The following SHTN1 variants were observed in gnomAD, a reference collection of about 807,000 sequenced individuals.
The protein encoded by SHTN1 is shootin 1.
Under a neutral mutation model 83.1 loss-of-function variants are expected in SHTN1, and 42 were observed. The ratio of observed to expected loss-of-function variants is 0.51; its 90% CI spans 0.39 to 0.65. The LOEUF is 0.65. Among genes scored for constraint, SHTN1 ranks in the 30% least tolerant of loss-of-function variants. The probability of loss-of-function intolerance (pLI) is 0.00; values close to 1 mark genes in which losing one functional copy is unlikely to be tolerated. For missense variants in SHTN1, 622 were observed against 737.8 expected (o/e 0.84, Z 1.82); for synonymous variants, 224 against 247.7 (o/e 0.90, Z 0.90).
chr10:117,085,543 G>T (rs943793964), intron 1 of SHTN1, among the ~76,000 whole-genome samples: 6 of 152,166 alleles, frequency 3.9e-5, no homozygotes, highest in Non-Finnish European at 7.3e-5. Flanking sequence ...AGCTCAGAAT[G>T]TGGTCTACCT....
intron 1 of SHTN1, among the ~76,000 whole-genome samples, chr10:116,996,560 A>G (rs916968904): frequency 6.6e-6 from 1 of 152,242 alleles, no homozygotes; most frequent in Non-Finnish European, 1.5e-5. Context: ...CCTAAGATTT[A>G]TAAATCCTCT....
intron 1 of SHTN1, among the ~76,000 whole-genome samples, chr10:116,986,918 G>A (rs4752020): frequency 0.9 from 136,181 of 151,616 alleles, 62,860 homozygotes; most frequent in Non-Finnish European, 1. Flanking sequence ...TAGTAGAGAC[G>A]GGGTTTCACC....
intron 1 of SHTN1, among the ~76,000 whole-genome samples, chr10:117,093,986 A>G (rs1853470711): frequency 6.6e-6 from 1 of 152,164 alleles, no homozygotes; most frequent in Non-Finnish European, 1.5e-5. Flanking sequence ...CCAATATATT[A>G]TTTTTGAGAA....
At chr10:116,928,554 TAA>T (rs1159607465) in intron 10 of SHTN1, among the ~76,000 whole-genome samples, 1 of 152,150 alleles carries the variant, frequency 6.6e-6, no homozygotes, top group African/African-American at 2.4e-5. Context: ...GAACTGAACT[TAA>T]GTTGATATCA....
At chr10:117,082,264 T>G (rs1238262466) in intron 1 of SHTN1, among the ~76,000 whole-genome samples, 1 of 114,134 alleles carries the variant, frequency 8.8e-6, no homozygotes, top group Non-Finnish European at 1.8e-5. Flanking sequence ...TCAAAGAACA[T>G]CTTTATTTCT....
intron 1 of SHTN1, among the ~76,000 whole-genome samples, chr10:117,113,940 G>A (rs1369611858): frequency 2.0e-5 from 3 of 152,176 alleles, no homozygotes; most frequent in Non-Finnish European, 4.4e-5. Flanking sequence ...CCAGCTGCTC[G>A]GGAGGCTGAG....
At chr10:117,070,386 T>C (rs1011664607) in intron 1 of SHTN1, among the ~76,000 whole-genome samples, 11 of 152,084 alleles carry the variant, frequency 7.2e-5, no homozygotes, top group African/African-American at 2.7e-4. Context: ...CTATTGACTC[T>C]TGGGGGCTCC....
intron 1 of SHTN1, among the ~76,000 whole-genome samples, chr10:117,092,573 T>C (rs748468794): frequency 5.1e-4 from 78 of 152,222 alleles, no homozygotes; most frequent in Non-Finnish European, 7.3e-4. Flanking sequence ...AGGCATTCTC[T>C]AGACCCATCT....
chr10:116,956,698 C>A (rs1849989776), intron 4 of SHTN1, among the ~76,000 whole-genome samples: 1 of 152,052 alleles, frequency 6.6e-6, no homozygotes, highest in Non-Finnish European at 1.5e-5. Context: ...AATACCTTAG[C>A]AACATCATAG....
chr10:117,093,448 GGT>G (rs1394142081), intron 1 of SHTN1, among the ~76,000 whole-genome samples: 1 of 152,142 alleles, frequency 6.6e-6, no homozygotes, highest in Non-Finnish European at 1.5e-5. Flanking sequence ...GGGAGGCCGA[GGT>G]GGGAGGATAA....
In SHTN1 at chr10:116,882,803, A is replaced by G. The variant is rs1193407758; in HGVS notation, c.*3541T>C. 6.6e-6 allele frequency: 1 copy of G among 152,194 alleles called. No individual in the cohort carries two copies. The highest frequency in any genetic ancestry group is 2.4e-5 in the African/African-American group (1 of 41,442). 9.4% of individuals were successfully genotyped at this position (152,194 alleles called of 1,614,324 possible). A position where few individuals can be genotyped will look rare whatever the true frequency, so the allele number is the denominator to read the frequency against. ...CGCAGACTCTCTCAGAGCATGCAGGAGACTTGGTTGGTATCACTCTAAGTT... is the reference window on the plus strand; with the variant it reads ...CGCAGACTCTCTCAGAGCATGCAGGGGACTTGGTTGGTATCACTCTAAGTT... On this transcript the variant is annotated 3_prime_UTR_variant, in exon 17 of 17. Coordinates refer to ENST00000355371, the MANE Select transcript of SHTN1 (RefSeq NM_001127211.3).
At chr10:116,926,678 A>T (rs1181483721) in intron 11 of SHTN1, among the ~76,000 whole-genome samples, 1 of 152,138 alleles carries the variant, frequency 6.6e-6, no homozygotes, top group African/African-American at 2.4e-5. Context: ...TCTGTGTGAA[A>T]GGATTAAACA....
At position 116,881,629 on chromosome 10, in the gene SHTN1, G is replaced by A; in HGVS notation, c.*4715C>T. On this transcript the variant is annotated 3_prime_UTR_variant, in exon 17 of 17. Coordinates refer to ENST00000355371, the MANE Select transcript of SHTN1 (RefSeq NM_001127211.3). ...CTGGTGCCCACCTTCCCCACACAAG[G>A]TGTAGAGGAATCAGCCGAAACAGGA... The A allele has an allele frequency of 2.6e-6, 4 of 1,549,686 alleles. No individual in the cohort carries two copies. The highest frequency in any genetic ancestry group is 3.5e-6 in the Non-Finnish European group (4 of 1,146,554).
rs751852119 is a variant in SHTN1, at chr10:117,104,143, T to TA, written c.-189+22163dup. On this transcript the variant is annotated intron_variant, in intron 1 of 17. Coordinates refer to the SHTN1 transcript ENST00000392901. ...CACCATTTTTAGCATGATTTTTTTT[T>TA]ACCTCATTTTTTTTTAAGCATTTTC... Among the ~76,000 whole-genome samples the TA allele has an allele frequency of 1.4e-4, 21 of 152,190 alleles. No homozygotes were observed. In the East Asian group the frequency reaches 2.1e-3, roughly 15 times the overall value.
intron 1 of SHTN1, among the ~76,000 whole-genome samples, chr10:117,075,070 T>C (rs181082668): frequency 6.6e-6 from 1 of 152,320 alleles, no homozygotes; most frequent in East Asian, 1.9e-4. Context: ...TTACACATTA[T>C]AAATTATTAA....
At chr10:117,123,262 A>G (rs1341492008) in intron 1 of SHTN1, among the ~76,000 whole-genome samples, 1 of 152,144 alleles carries the variant, frequency 6.6e-6, no homozygotes, top group African/African-American at 2.4e-5. Flanking sequence ...TCGGCCTCCC[A>G]ATACGTGGGT....
At chr10:117,017,535 T>C (rs1281650851) in intron 2 of SHTN1, among the ~76,000 whole-genome samples, 1 of 150,562 alleles carries the variant, frequency 6.6e-6, no homozygotes, top group East Asian at 1.9e-4. Flanking sequence ...AGTATTACAA[T>C]CTAACCAAAA....
At chr10:117,123,659 C>G (rs1853962444) in intron 1 of SHTN1, among the ~76,000 whole-genome samples, 1 of 151,544 alleles carries the variant, frequency 6.6e-6, no homozygotes, top group Admixed American at 6.6e-5. Flanking sequence ...AATCCCAACA[C>G]CTTGGGAGGC....
At chr10:116,931,516 T>G (rs1364130957) in intron 9 of SHTN1, among the ~76,000 whole-genome samples, 1 of 152,216 alleles carries the variant, frequency 6.6e-6, no homozygotes, top group Non-Finnish European at 1.5e-5. Flanking sequence ...CCCAAGGTGC[T>G]GAGATTACAG....
Sources: allele counts gnomAD v4.1 joint callset (sites outside exome capture counted in the v4.1 genomes callset), GRCh38; gene constraint gnomAD v4.1.1; transcripts MANE v1.5; gene names NCBI Gene and HGNC (gene_info 2026-07-23, HGNC 2026-07-21).